Variants in ADAD1 observed in about 807,000 individuals in gnomAD.
ADAD1 encodes the protein adenosine deaminase domain containing 1, also known as adenosine deaminase domain-containing protein 1.
In ADAD1, 46 loss-of-function variants were observed where a neutral mutation model predicts 66.8. The ratio of observed to expected loss-of-function variants is 0.69; its 90% CI spans 0.54 to 0.88. ADAD1 has a LOEUF of 0.88. ADAD1 is among the 40% of genes least tolerant of loss of function. ADAD1 has a pLI of 0.00. For synonymous variants in ADAD1, 248 were observed against 229.4 expected (o/e 1.08, Z -0.73); for missense variants, 617 against 681.8 (o/e 0.91, Z 1.06).
intron 11 of ADAD1, 87 bp downstream of exon 11, chr4:122,415,703 A>G (rs1026687653): frequency 2.0e-5 from 22 of 1,124,726 alleles, no homozygotes; most frequent in Non-Finnish European, 2.9e-5. Flanking sequence ...TCTTTTGGAT[A>G]CTATTTATTG....
intron 5 of ADAD1, among the ~76,000 whole-genome samples, chr4:122,389,440 A>G (rs1795333431): frequency 6.6e-6 from 1 of 152,042 alleles, no homozygotes; most frequent in Non-Finnish European, 1.5e-5. Context: ...CATTGATCTA[A>G]TACTGACAGT....
rs763352843 is a variant in ADAD1, at chr4:122,396,259, A to C, written c.606A>C (p.Arg202Ser). The C allele has an allele frequency of 6.3e-6, 10 of 1,585,454 alleles. No homozygotes were observed. The highest frequency in any genetic ancestry group is 1.2e-5 in the South Asian group (1 of 84,534). Reference sequence around the variant, plus strand: ...GTTTTGATTTTTTTCTAGAAGGGAGACATATTCAATATGCAAAGATTTCAC... The same window carrying C: ...GTTTTGATTTTTTTCTAGAAGGGAGCCATATTCAATATGCAAAGATTTCAC... ...AYVSKVHYEG[R>S]HIQYAKISQI... Residue 202 changes from arginine to serine, a missense_variant, in exon 7 of 13, where the codon AGA becomes AGC. Physicochemically the swap from Arg to Ser is moderately radical, Grantham distance 110. Coordinates refer to ENST00000296513, the MANE Select transcript of ADAD1 (RefSeq NM_139243.4).
At chr4:122,417,056 C>T (rs188722603) in intron 11 of ADAD1, among the ~76,000 whole-genome samples, 6 of 152,200 alleles carry the variant, frequency 3.9e-5, no homozygotes, top group South Asian at 2.1e-4. Context: ...AAGCAGAGGC[C>T]GGGTGCAGTG....
intron 5 of ADAD1, among the ~76,000 whole-genome samples, chr4:122,390,537 G>A (rs1795383204): frequency 6.6e-6 from 1 of 151,364 alleles, no homozygotes; most frequent in South Asian, 2.1e-4. Flanking sequence ...TCCCATATTA[G>A]AGTCTTTGTT....
chr4:122,420,494 T>G (rs965503177), intron 11 of ADAD1, among the ~76,000 whole-genome samples: 1 of 152,210 alleles, frequency 6.6e-6, no homozygotes, highest in Non-Finnish European at 1.5e-5. Flanking sequence ...ATTATCACAC[T>G]GTCTATTGTG....
At chr4:122,421,439 T>A (rs1796998489) in intron 12 of ADAD1, 49 bp downstream of exon 12, 1 of 1,404,144 alleles carries the variant, frequency 7.1e-7, no homozygotes, top group Non-Finnish European at 9.5e-7. Flanking sequence ...ATTTAAGACA[T>A]TAATGTGGTC....
intron 4 of ADAD1, among the ~76,000 whole-genome samples, chr4:122,382,010 G>A (rs1412443623): frequency 6.6e-6 from 1 of 152,146 alleles, no homozygotes; most frequent in East Asian, 1.9e-4. Flanking sequence ...TCAAGTTTCA[G>A]TCTGTTGTTT....
intron 11 of ADAD1, 108 bp downstream of exon 11, chr4:122,415,724 A>AAT (rs1397185068): frequency 1.6e-5 from 15 of 958,162 alleles, no homozygotes; most frequent in Non-Finnish European, 2.2e-5. Context: ...AACTCTGAAC[A>AAT]ATAATTATTA....
At chr4:122,418,671 A>G (rs1050477055) in intron 11 of ADAD1, among the ~76,000 whole-genome samples, 3 of 152,164 alleles carry the variant, frequency 2.0e-5, no homozygotes, top group Admixed American at 6.5e-5. Context: ...TCCTCAAAGT[A>G]CCATTCTGAG....
chr4:122,391,110 A>C (rs1023555364), intron 5 of ADAD1, among the ~76,000 whole-genome samples: 35 of 152,108 alleles, frequency 2.3e-4, no homozygotes, highest in African/African-American at 8.2e-4. Flanking sequence ...TTCAATAGTC[A>C]GGTCCCTCTT....
chr4:122,426,831 C>T (rs1797260988), intron 12 of ADAD1, among the ~76,000 whole-genome samples: 1 of 152,178 alleles, frequency 6.6e-6, no homozygotes, highest in Non-Finnish European at 1.5e-5. Flanking sequence ...AGTGAACTTC[C>T]TCACCTTCAT....
In ADAD1 at chr4:122,405,621, A is replaced by G. The variant is rs560142011; in HGVS notation, c.725-2287A>G. On this transcript the variant is annotated intron_variant, in intron 7 of 12. Transcript: ENST00000296513. ...CTACCACCCACAATATTGACAACAA[A>G]TTTCAAATATACAATACATTATTAT... is the stretch of plus-strand genomic sequence containing the variant. Among the ~76,000 whole-genome samples, 13 of 152,242 alleles carry G rather than the reference A, an allele frequency of 8.5e-5. No homozygotes were observed. In the South Asian group the frequency reaches 2.5e-3, roughly 29 times the overall value.
chr4:122,427,245 T>TTG (rs151036566), intron 12 of ADAD1, among the ~76,000 whole-genome samples: 27 of 151,784 alleles, frequency 1.8e-4, no homozygotes, highest in Non-Finnish European at 2.9e-4. Flanking sequence ...ACGTGTACAT[T>TTG]TGTGTGTGTG....
At chr4:122,393,678 G>A (rs567430950) in intron 6 of ADAD1, 21 bp downstream of exon 6, 230 of 1,554,724 alleles carry the variant, frequency 1.5e-4, no homozygotes, top group Non-Finnish European at 1.6e-4. Context: ...TTTTTGTGAC[G>A]TTCTTCTTTA....
chr4:122,379,951 T>C (rs541098184), intron 2 of ADAD1, 111 bp from the exon 3 acceptor site: 1 of 1,081,716 alleles, frequency 9.2e-7, no homozygotes, highest in Admixed American at 2.8e-5. Context: ...GTCATCTGAA[T>C]ATGTGCCAAG....
At chr4:122,401,672 C>T (rs1355088855) in intron 7 of ADAD1, among the ~76,000 whole-genome samples, 1 of 152,058 alleles carries the variant, frequency 6.6e-6, no homozygotes, top group African/African-American at 2.4e-5. Flanking sequence ...AATTTGTGAG[C>T]TCCAGTGTTA....
Position 122,415,565 on chromosome 4 carries a change from G to C in ADAD1, c.1436G>C (p.Gly479Ala). The C allele has an allele frequency of 1.2e-6, 2 of 1,613,878 alleles. No individual in the cohort carries two copies. Among genetic ancestry groups the C allele is most frequent in the Non-Finnish European group, 1.7e-6 (2 of 1,179,822 alleles). Residue 479 changes from glycine (G) to alanine (A), a missense_variant, in exon 11 of 13, where the codon GGA (glycine) becomes GCA (alanine). Coordinates refer to ENST00000296513, the MANE Select transcript of ADAD1 (RefSeq NM_139243.4). ...YKFLSLNWAQ[G>A]DVSLEIVDGL... ...TTTCTGAGTCTGAATTGGGCACAAG[G>C]AGATGTTTCTTTGGAGATTGTGGAT...
chr4:122,423,929 T>C (rs1797119162), intron 12 of ADAD1, among the ~76,000 whole-genome samples: 2 of 152,180 alleles, frequency 1.3e-5, no homozygotes, highest in South Asian at 4.1e-4. Flanking sequence ...TTAATGGTGA[T>C]GGCTGCACAA....
At chr4:122,411,421 G>T in intron 9 of ADAD1, 29 bp downstream of exon 9, 2 of 1,584,208 alleles carry the variant, frequency 1.3e-6, no homozygotes, top group Non-Finnish European at 1.7e-6. Context: ...GTTTTTAAAA[G>T]CAAGTAGGAT....
Sources: gnomAD v4.1 joint callset for allele counts (sites outside exome capture counted in the v4.1 genomes callset) on GRCh38, gnomAD v4.1.1 for gene constraint, MANE v1.5 for transcripts, NCBI Gene and HGNC (gene_info 2026-07-23, HGNC 2026-07-21) for gene names.